Variants in SMG5 observed in about 807,000 individuals in gnomAD.
SMG5 encodes nonsense-mediated mRNA decay factor SMG5.
SMG5 carries 53 observed loss-of-function variants against 122.9 expected under a neutral mutation model. The observed-to-expected ratio is 0.43, with a 90% confidence interval of 0.35 to 0.54. SMG5 has a LOEUF of 0.54. Ranked by LOEUF, SMG5 falls within the 20% of genes least tolerant of loss-of-function variation. SMG5 has a pLI of 0.01. For missense variants in SMG5, 1,153 were observed against 1,285.6 expected (o/e 0.90, Z 1.58); for synonymous variants, 477 against 490.2 (o/e 0.97, Z 0.35).
At position 156,265,957 on chromosome 1, in the gene SMG5, T is replaced by C. The variant is rs1662108288; in HGVS notation, c.1679A>G (p.Glu560Gly). Residue 560 changes from glutamate to glycine, a missense_variant, in exon 12 of 22, where the codon GAG (glutamate) becomes GGG (glycine). Around this residue, in one of 5 missense-constraint regions of SMG5, gnomAD observed 631 missense variants for 650.6 expected, o/e 0.97. Coordinates refer to ENST00000361813, the MANE Select transcript of SMG5 (RefSeq NM_015327.3). ...TTGTAGATTGCTGGCAATGCTAGCC[T>C]CACTGGGGCCCAGTGGGCCATTGAG... ...DSLNGPLGPS[E>G]ASIASNLQAM... 6.2e-7 allele frequency: 1 copy of C among 1,614,086 alleles called. No individual in the cohort carries two copies. Among genetic ancestry groups the C allele is most frequent in the Non-Finnish European group, 8.5e-7 (1 of 1,180,036 alleles).
chr1:156,283,756 C>A (rs763342685), upstream of SMG5, among the ~76,000 whole-genome samples: 1 of 152,200 alleles, frequency 6.6e-6, no homozygotes, highest in Non-Finnish European at 1.5e-5. Flanking sequence ...AAGTCTTTCC[C>A]ATCCATTGGT....
chr1:156,263,219 A>T (rs558257101), intron 13 of SMG5, among the ~76,000 whole-genome samples, 176 bp downstream of exon 13: 2 of 152,392 alleles, frequency 1.3e-5, no homozygotes, highest in East Asian at 3.9e-4. Context: ...GTGAGGGCCA[A>T]GATCATGCCT....
chr1:156,254,359 T>C (rs1192078917), intron 16 of SMG5, among the ~76,000 whole-genome samples: 1 of 152,232 alleles, frequency 6.6e-6, no homozygotes, highest in African/African-American at 2.4e-5. Context: ...AAAGCCCAAA[T>C]TCCTTAGTAT....
chr1:156,251,575 G>C (rs1029332075), intron 19 of SMG5, 98 bp from the exon 20 acceptor site: 21 of 1,199,696 alleles, frequency 1.8e-5, no homozygotes, highest in Non-Finnish European at 2.6e-5. Flanking sequence ...TGGTTTTGCA[G>C]GCGGGGCTGG....
At chr1:156,250,748 G>A (rs2103201593) in intron 21 of SMG5, 78 bp from the exon 22 acceptor site, 2 of 1,600,958 alleles carry the variant, frequency 1.2e-6, no homozygotes, top group Non-Finnish European at 1.7e-6. Context: ...CGCTGGGGAA[G>A]GAGTGATGGA....
intron 4 of SMG5, among the ~76,000 whole-genome samples, chr1:156,276,161 C>CT (rs1662676842): frequency 7.1e-6 from 1 of 139,878 alleles, no homozygotes; most frequent in Non-Finnish European, 1.5e-5. Context: ...GAGTCTCACT[C>CT]TGTTACCCAG....
chr1:156,266,748 C>A, intron 10 of SMG5, 70 bp from the exon 11 acceptor site: 1 of 1,540,406 alleles, frequency 6.5e-7, no homozygotes, highest in Non-Finnish European at 8.9e-7. Context: ...CAATTCCAAC[C>A]ACATCTCATC....
At chr1:156,255,476 T>C (rs369231721) in intron 16 of SMG5, among the ~76,000 whole-genome samples, 10 of 151,592 alleles carry the variant, frequency 6.6e-5, no homozygotes, top group Non-Finnish European at 1.2e-4. Flanking sequence ...GAGGCAGAGA[T>C]TGTGGTGAGC....
intron 7 of SMG5, 75 bp from the exon 8 acceptor site, chr1:156,268,490 A>C: frequency 1.3e-6 from 2 of 1,569,266 alleles, no homozygotes; most frequent in Non-Finnish European, 1.7e-6. Flanking sequence ...TTTAGGAAAC[A>C]ATGTTACTAG....
chr1:156,266,039 C>T lies in SMG5; in HGVS notation c.1597G>A (p.Gly533Arg). Residue 533 changes from glycine to arginine, a missense_variant, in exon 12 of 22, where the codon GGG becomes AGG. Physicochemically the swap from Gly to Arg is moderately radical, Grantham distance 125. This residue lies in a region of SMG5 where 631 missense variants were observed against 650.6 expected (regional missense o/e 0.97). Transcript: ENST00000361813. ...SDLEDMEEEE[G>R]TRSPTLEPPR... ...GGCTCCAGGGTTGGTGACCGTGTCC[C>T]CTCCTCTTCCTCCATATCTTCCAAG... is the stretch of plus-strand genomic sequence containing the variant. 2 of 1,614,216 alleles carry T rather than the reference C, an allele frequency of 1.2e-6. No individual in the cohort carries two copies. The highest frequency in any genetic ancestry group is 1.7e-6 in the Non-Finnish European group (2 of 1,180,042).
rs761356769 is a variant in SMG5 at position 156,266,257 on chromosome 1, C to T, written c.1379G>A (p.Arg460His). The T allele has an allele frequency of 7.4e-6, 12 of 1,614,194 alleles. No homozygotes were observed. The highest frequency in any genetic ancestry group is 2.2e-5 in the South Asian group (2 of 91,082). ...AACTTTGGGTGGGTGGCGGCGACGG[C>T]GGAGACAGGAGAGGCGAGAGAACTT... is the stretch of plus-strand genomic sequence containing the variant. ...SRKFSRLSCLRRRRHPPKVGD... is the reference protein window; with the variant it reads ...SRKFSRLSCLHRRRHPPKVGD... Residue 460 changes from arginine to histidine, a missense_variant, in exon 12 of 22, where the codon CGC becomes CAC. Coordinates refer to ENST00000361813, the MANE Select transcript of SMG5 (RefSeq NM_015327.3).
upstream of SMG5, among the ~76,000 whole-genome samples, chr1:156,283,996 C>T (rs1014269327): frequency 4.6e-5 from 7 of 152,202 alleles, no homozygotes; most frequent in African/African-American, 7.2e-5. Flanking sequence ...AATTGGTGTC[C>T]AGTAAGTATT....
chr1:156,285,097 T>C (rs1042128752), upstream of SMG5: 7 of 1,186,182 alleles, frequency 5.9e-6, no homozygotes, highest in Non-Finnish European at 7.9e-6. Flanking sequence ...ATGAAGCCAG[T>C]TGCCCTGGAG....
At chr1:156,257,891 A>C (rs1200849886) in intron 16 of SMG5, among the ~76,000 whole-genome samples, 3 of 152,160 alleles carry the variant, frequency 2.0e-5, no homozygotes, top group Non-Finnish European at 4.4e-5. Context: ...CCTGTGCCAG[A>C]CACTAACACC....
At chr1:156,268,446 T>C in intron 7 of SMG5, 31 bp from the exon 8 acceptor site, 2 of 1,609,336 alleles carry the variant, frequency 1.2e-6, no homozygotes, top group Non-Finnish European at 1.7e-6. Context: ...CTACTGAGTC[T>C]TGGCAGGGGG....
upstream of SMG5, among the ~76,000 whole-genome samples, chr1:156,284,570 A>G (rs1343550880): frequency 6.6e-6 from 1 of 152,172 alleles, no homozygotes; most frequent in Non-Finnish European, 1.5e-5. Context: ...AAATATCAGA[A>G]TAGCAGACCC....
chr1:156,275,663 A>C (rs191186767), intron 4 of SMG5, among the ~76,000 whole-genome samples: 1 of 152,346 alleles, frequency 6.6e-6, no homozygotes, highest in Admixed American at 6.5e-5. Flanking sequence ...AGTTGGCTGA[A>C]TGGAGAAAAC....
chr1:156,285,846 C>A (rs747831898), upstream of SMG5: 54 of 1,613,568 alleles, frequency 3.3e-5, no homozygotes, highest in Non-Finnish European at 4.5e-5. Context: ...GTGGGAGCCG[C>A]ACTCATTCTC....
In SMG5 at chr1:156,263,462, A is replaced by C; in HGVS notation, c.1964T>G (p.Leu655Arg). Residue 655 changes from leucine to arginine, a missense_variant, in exon 13 of 22, where the codon CTT becomes CGT. Coordinates refer to ENST00000361813, the MANE Select transcript of SMG5 (RefSeq NM_015327.3). ...GTCCAGGAAGACTTTCACAGCAGGA[A>C]GCAGACCTTCGGCCATCAGGACCTG... The part of the protein sequence containing the change: ...KLQVLMAEGL[L>R]PAVKVFLDWL... 1 of 1,614,272 alleles carries C rather than the reference A, an allele frequency of 6.2e-7. No individual in the cohort carries two copies. The highest frequency in any genetic ancestry group is 8.5e-7 in the Non-Finnish European group (1 of 1,180,046).
Sources: gnomAD v4.1 joint callset for allele counts (sites outside exome capture counted in the v4.1 genomes callset) on GRCh38, gnomAD v4.1.1 for gene constraint, gnomAD v4.1.1 regional missense constraint, MANE v1.5 for transcripts, NCBI Gene and HGNC (gene_info 2026-07-23, HGNC 2026-07-21) for gene names.